BCL2L14: variants seen among roughly 807,000 people sequenced by gnomAD.
BCL2L14 encodes BCL2 like 14.
In BCL2L14, 27 loss-of-function variants were observed where a neutral mutation model predicts 35.3. The ratio of observed to expected loss-of-function variants is 0.76; its 90% CI spans 0.56 to 1.05. The LOEUF is 1.05. Among genes scored for constraint, BCL2L14 ranks in the 50% least tolerant of loss-of-function variants. BCL2L14 has a pLI of 0.00. For missense variants in BCL2L14, 377 were observed against 382.6 expected (o/e 0.99, Z 0.12); for synonymous variants, 139 against 145.9 (o/e 0.95, Z 0.34).
chr12:12,050,286 A>G (rs1428428702), intron 1 of BCL2L14, among the ~76,000 whole-genome samples: 1 of 152,112 alleles, frequency 6.6e-6, no homozygotes, highest in African/African-American at 2.4e-5. Flanking sequence ...AGCCTCAATT[A>G]GCTGGGCGTG....
upstream of BCL2L14, among the ~76,000 whole-genome samples, chr12:12,067,534 G>C (rs1948608613): frequency 6.6e-6 from 1 of 152,122 alleles, no homozygotes; most frequent in Non-Finnish European, 1.5e-5. Context: ...CTGGGGAACA[G>C]AGTGAGACTC....
intron 2 of BCL2L14, among the ~76,000 whole-genome samples, chr12:12,062,384 G>A (rs2074982250): frequency 6.8e-6 from 1 of 147,620 alleles, no homozygotes; most frequent in South Asian, 2.1e-4. Context: ...GGTTCCACCA[G>A]GCCTAATTGC....
chr12:12,057,800 C>T lies in BCL2L14; in HGVS notation c.-272+5953C>T, dbSNP rs1379931920. Among the ~76,000 whole-genome samples, 6 of 148,544 alleles carry T rather than the reference C, an allele frequency of 4.0e-5. No homozygotes were observed. In the South Asian group the frequency reaches 1.3e-3, roughly 32 times the overall value. On this transcript the variant is annotated intron_variant, in intron 2 of 3. Coordinates refer to the BCL2L14 transcript ENST00000461264. ...TGAAGAACATCAACAAACTGGGCTGCATCTGAACCATGTGAAGAAGATGGT... is the reference window on the plus strand; with the variant it reads ...TGAAGAACATCAACAAACTGGGCTGTATCTGAACCATGTGAAGAAGATGGT...
chr12:12,096,755 A>G (rs1702527239), intron 5 of BCL2L14, among the ~76,000 whole-genome samples: 1 of 152,242 alleles, frequency 6.6e-6, no homozygotes, highest in Non-Finnish European at 1.5e-5. Context: ...GATGTGGAGA[A>G]ATTGGAACCT....
intron 5 of BCL2L14, among the ~76,000 whole-genome samples, chr12:12,096,692 C>G (rs538233844): frequency 6.6e-6 from 1 of 152,198 alleles, no homozygotes; most frequent in Non-Finnish European, 1.5e-5. Context: ...CAACATTGAG[C>G]TCTATCCACT....
chr12:12,083,567 A>G (rs1414953680), intron 2 of BCL2L14, among the ~76,000 whole-genome samples: 1 of 152,220 alleles, frequency 6.6e-6, no homozygotes, highest in Non-Finnish European at 1.5e-5. Flanking sequence ...TAAATAATAT[A>G]CAGGTTTGCT....
chr12:12,090,716 TG>T, intron 3 of BCL2L14, 62 bp from the exon 4 acceptor site: 1 of 1,370,440 alleles, frequency 7.3e-7, no homozygotes, highest in Non-Finnish European at 1.0e-6. Flanking sequence ...TCATTGTCCC[TG>T]GAAAAATGTA....
intron 2 of BCL2L14, among the ~76,000 whole-genome samples, chr12:12,083,782 T>TA (rs939975809): frequency 1.4e-4 from 22 of 151,854 alleles, no homozygotes; most frequent in South Asian, 2.1e-4. Context: ...CCGTCTCTAT[T>TA]AAAAAAAATA....
At chr12:12,050,277 G>C (rs933036805) in intron 1 of BCL2L14, among the ~76,000 whole-genome samples, 1 of 151,888 alleles carries the variant, frequency 6.6e-6, no homozygotes, top group Non-Finnish European at 1.5e-5. Flanking sequence ...TCTTGAAAGA[G>C]CCTCAATTAG....
Position 12,079,500 on chromosome 12 carries a change from G to C in BCL2L14, c.195G>C (p.Glu65Asp). 6.2e-7 allele frequency: 1 copy of C among 1,614,232 alleles called. No homozygotes were observed. Among genetic ancestry groups the C allele is most frequent in the Non-Finnish European group, 8.5e-7 (1 of 1,180,042 alleles). The part of the protein sequence containing the change: ...QRGLGNCSAN[E>D]SWTEVSWPCR... The stretch of plus-strand genomic sequence containing the variant: ...GCCTGGGGAATTGTTCAGCAAATGA[G>C]TCATGGACAGAGGTGTCATGGCCTT... Residue 65 changes from glutamate (E) to aspartate (D), a missense_variant, in exon 2 of 6, where the codon GAG (glutamate) becomes GAC (aspartate). Transcript: ENST00000308721.
intron 5 of BCL2L14, 59 bp downstream of exon 5, chr12:12,094,989 T>A (rs1949284752): frequency 3.8e-6 from 1 of 262,348 alleles, no homozygotes; most frequent in Admixed American, 6.3e-5. Flanking sequence ...TGGGATGGAT[T>A]TTTTTTTTTT....
intron 5 of BCL2L14, chr12:12,096,331 T>A (rs973890484): frequency 4.1e-6 from 1 of 245,886 alleles, no homozygotes; most frequent in African/African-American, 2.3e-5. Flanking sequence ...AAATATGCTA[T>A]TAAAAAGCAG....
intron 2 of BCL2L14, among the ~76,000 whole-genome samples, chr12:12,057,679 C>A (rs1172301656): frequency 6.7e-6 from 1 of 149,350 alleles, no homozygotes; most frequent in Admixed American, 6.7e-5. Context: ...ATTGCTTGAA[C>A]CTGGGAGGCG....
chr12:12,066,833 C>G (rs1948600260), upstream of BCL2L14, among the ~76,000 whole-genome samples: 1 of 151,402 alleles, frequency 6.6e-6, no homozygotes, highest in Non-Finnish European at 1.5e-5. Flanking sequence ...GCCTCAGCCT[C>G]CTGAGTAGCT....
chr12:12,089,496 G>C (rs1225220177), intron 3 of BCL2L14, among the ~76,000 whole-genome samples: 1 of 152,082 alleles, frequency 6.6e-6, no homozygotes, highest in Non-Finnish European at 1.5e-5. Context: ...AGAAGTTCAA[G>C]ACCAGCCTGG....
At chr12:12,061,200 C>A (rs563011274) in intron 2 of BCL2L14, among the ~76,000 whole-genome samples, 1 of 151,032 alleles carries the variant, frequency 6.6e-6, no homozygotes, top group Non-Finnish European at 1.5e-5. Context: ...TGGGCTACAG[C>A]CACACCTAAT....
chr12:12,053,714 C>A (rs528385870), intron 2 of BCL2L14, among the ~76,000 whole-genome samples: 1 of 152,188 alleles, frequency 6.6e-6, no homozygotes, highest in Non-Finnish European at 1.5e-5. Context: ...CATGCCCAGC[C>A]GGCAATATAA....
At chr12:12,098,582 C>T (rs1372306202) in intron 5 of BCL2L14, among the ~76,000 whole-genome samples, 1 of 152,218 alleles carries the variant, frequency 6.6e-6, no homozygotes, top group African/African-American at 2.4e-5. Context: ...GCACCATTCA[C>T]ATAGTTACCC....
intron 2 of BCL2L14, among the ~76,000 whole-genome samples, chr12:12,056,718 A>C (rs1283270528): frequency 1.3e-5 from 2 of 152,206 alleles, no homozygotes; most frequent in Non-Finnish European, 2.9e-5. Context: ...CTGTAATCCC[A>C]GCTACTCAGG....
Sources: gnomAD v4.1 joint callset for allele counts (sites outside exome capture counted in the v4.1 genomes callset) on GRCh38, gnomAD v4.1.1 for gene constraint, MANE v1.5 for transcripts, NCBI Gene and HGNC (gene_info 2026-07-23, HGNC 2026-07-21) for gene names.